The following RABGAP1L variants were observed in gnomAD, a reference collection of about 807,000 sequenced individuals.
RABGAP1L encodes the protein rab GTPase-activating protein 1-like.
Under a neutral mutation model 137.7 loss-of-function variants are expected in RABGAP1L, and 63 were observed. The observed-to-expected ratio is 0.46, with a 90% confidence interval of 0.37 to 0.56. The LOEUF is 0.56. Ranked by LOEUF, RABGAP1L falls within the 20% of genes least tolerant of loss-of-function variation. The pLI is 0.00. For missense variants in RABGAP1L, 1,095 were observed against 1,244.0 expected (o/e 0.88, Z 1.80); for synonymous variants, 431 against 433.7 (o/e 0.99, Z 0.08).
chr1:174,624,318 C>T (rs900721150), intron 13 of RABGAP1L, among the ~76,000 whole-genome samples: 1 of 152,180 alleles, frequency 6.6e-6, no homozygotes, highest in East Asian at 1.9e-4. Flanking sequence ...CCATAGCTAA[C>T]ATTGCCCATA....
intron 11 of RABGAP1L, among the ~76,000 whole-genome samples, chr1:174,366,920 G>A (rs916197299): frequency 2.0e-5 from 3 of 151,622 alleles, no homozygotes; most frequent in African/African-American, 7.3e-5. Flanking sequence ...GAACAGTTAC[G>A]TATACTCCCT....
rs553393509 is a variant in RABGAP1L, at chr1:174,951,112, A to G, written c.2341-6345A>G. On this transcript the variant is annotated intron_variant, in intron 19 of 25. Transcript: ENST00000681986. Reference sequence around the variant, plus strand: ...TCACTGAGGTGCTTCTCCCTCTCCAACCCTCTGTCCCACAAATTTCTTCTT... The same window carrying G: ...TCACTGAGGTGCTTCTCCCTCTCCAGCCCTCTGTCCCACAAATTTCTTCTT... 5.8e-4 allele frequency among the ~76,000 whole-genome samples: 88 copies of G among 152,068 alleles called. 1 individual carries two copies. The Middle Eastern group carries it at 0.014, about 24-fold the overall frequency.
At chr1:174,323,872 G>A (rs996248985) in intron 11 of RABGAP1L, among the ~76,000 whole-genome samples, 1 of 152,052 alleles carries the variant, frequency 6.6e-6, no homozygotes, top group African/African-American at 2.4e-5. Context: ...GTTATTAAAG[G>A]CTTGAAAAGG....
chr1:174,654,433 C>T (rs1035214876), intron 14 of RABGAP1L, among the ~76,000 whole-genome samples: 4 of 152,106 alleles, frequency 2.6e-5, no homozygotes, highest in Admixed American at 2.6e-4. Context: ...CTGTGAAGTA[C>T]TTTTATTCAT....
chr1:174,324,976 C>T (rs1680311938), intron 11 of RABGAP1L, among the ~76,000 whole-genome samples: 1 of 152,056 alleles, frequency 6.6e-6, no homozygotes, highest in Admixed American at 6.6e-5. Context: ...AAGGAGAGAA[C>T]AGTGTTTAAG....
chr1:174,254,132 C>T (rs1316087620), intron 7 of RABGAP1L, among the ~76,000 whole-genome samples: 1 of 151,942 alleles, frequency 6.6e-6, no homozygotes, highest in Non-Finnish European at 1.5e-5. Context: ...TCTAGCTCCA[C>T]TTTGTTCCCA....
intron 13 of RABGAP1L, among the ~76,000 whole-genome samples, chr1:174,509,359 C>G (rs1227544002): frequency 6.6e-6 from 1 of 152,062 alleles, no homozygotes; most frequent in African/African-American, 2.4e-5. Context: ...TGTCTTATAT[C>G]AACTTTTTGT....
intron 1 of RABGAP1L, among the ~76,000 whole-genome samples, chr1:174,194,851 AATT>A (rs890439676): frequency 3.9e-4 from 60 of 152,238 alleles, no homozygotes; most frequent in African/African-American, 1.3e-3. Flanking sequence ...GATTGACACA[AATT>A]ATTATTTTCC....
intron 13 of RABGAP1L, among the ~76,000 whole-genome samples, chr1:174,447,697 CT>C (rs1260515494): frequency 6.6e-6 from 1 of 152,142 alleles, no homozygotes; most frequent in African/African-American, 2.4e-5. Flanking sequence ...CCCACAGAAG[CT>C]TTTCTTCCTT....
intron 3 of RABGAP1L, among the ~76,000 whole-genome samples, chr1:174,225,374 A>G (rs1191151806): frequency 6.8e-6 from 1 of 147,998 alleles, no homozygotes; most frequent in Non-Finnish European, 1.5e-5. Flanking sequence ...TCTGTGGATT[A>G]TTTTTTCACT....
intron 15 of RABGAP1L, among the ~76,000 whole-genome samples, chr1:174,698,465 T>G (rs1027950966): frequency 6.6e-6 from 1 of 152,144 alleles, no homozygotes; most frequent in Non-Finnish European, 1.5e-5. Context: ...TTACCAAAAT[T>G]TAAAATGCAT....
chr1:174,789,391 C>G (rs879332441), intron 18 of RABGAP1L, among the ~76,000 whole-genome samples: 4 of 152,206 alleles, frequency 2.6e-5, no homozygotes, highest in Non-Finnish European at 5.9e-5. Context: ...AACAACTCAA[C>G]ATTCATGAAG....
chr1:174,249,448 A>C (rs1359144372), intron 5 of RABGAP1L, among the ~76,000 whole-genome samples: 1 of 152,152 alleles, frequency 6.6e-6, no homozygotes, highest in African/African-American at 2.4e-5. Context: ...ATTTTAGTAA[A>C]TTATCTTAGG....
At chr1:174,704,232 C>T (rs1679884521) in intron 17 of RABGAP1L, among the ~76,000 whole-genome samples, 1 of 152,152 alleles carries the variant, frequency 6.6e-6, no homozygotes, top group Non-Finnish European at 1.5e-5. Context: ...CTCGGTCTCC[C>T]AAAGTGCTGG....
intron 4 of RABGAP1L, among the ~76,000 whole-genome samples, chr1:174,239,111 T>C (rs1571718843): frequency 6.6e-6 from 1 of 152,152 alleles, no homozygotes; most frequent in Admixed American, 6.5e-5. Context: ...AGGCAATGCC[T>C]CGCCCTGCTT....
chr1:174,272,079 C>T (rs182081816), intron 7 of RABGAP1L, among the ~76,000 whole-genome samples: 2 of 151,836 alleles, frequency 1.3e-5, no homozygotes, highest in Non-Finnish European at 2.9e-5. Flanking sequence ...TGGAATAAGT[C>T]TAAGGCAAAT....
chr1:174,906,894 C>A (rs1659183211), intron 19 of RABGAP1L, among the ~76,000 whole-genome samples: 1 of 124,966 alleles, frequency 8.0e-6, no homozygotes. Flanking sequence ...TTTCAAAGTG[C>A]TCAAAGAAAA....
chr1:174,481,582 A>T (rs1208179412), intron 13 of RABGAP1L, among the ~76,000 whole-genome samples: 1 of 152,198 alleles, frequency 6.6e-6, no homozygotes, highest in African/African-American at 2.4e-5. Context: ...CACTTTTAGG[A>T]TGACTGTTGC....
intron 19 of RABGAP1L, among the ~76,000 whole-genome samples, chr1:174,929,752 A>AT (rs1386568303): frequency 7.0e-5 from 10 of 143,016 alleles, no homozygotes; most frequent in Non-Finnish European, 1.1e-4. Context: ...TGTCTCTACA[A>AT]AAAATAAATA....
Sources: gnomAD v4.1 joint callset for allele counts (sites outside exome capture counted in the v4.1 genomes callset) on GRCh38, gnomAD v4.1.1 for gene constraint, MANE v1.5 for transcripts, NCBI Gene and HGNC (gene_info 2026-07-23, HGNC 2026-07-21) for gene names.